TOMM7: variants seen among roughly 807,000 people sequenced by gnomAD.
TOMM7 encodes translocase of outer mitochondrial membrane 7.
A neutral mutation model predicts 9.5 loss-of-function variants in TOMM7; 8 were observed. The observed-to-expected ratio is 0.84, with a 90% CI of 0.49 to 1.51. The LOEUF (loss-of-function observed/expected upper bound fraction) is 1.51, where lower values mean the gene tolerates loss of function less well. Ranked by LOEUF, TOMM7 falls within the 40% of genes most tolerant of loss-of-function variation. TOMM7 has a pLI of 0.00. For synonymous variants in TOMM7, 27 were observed against 21.4 expected (o/e 1.26, Z -0.72); for missense variants, 74 against 63.7 (o/e 1.16, Z -0.55).
At chr7:22,822,417 G>A (rs947893074) in intron 1 of TOMM7, 8 of 855,416 alleles carry the variant, frequency 9.4e-6, no homozygotes, top group East Asian at 2.7e-5. Context: ...CTACAATCCC[G>A]AGAAATATGA....
chr7:22,818,664 T>G (rs1001487029), intron 1 of TOMM7, among the ~76,000 whole-genome samples: 4 of 152,242 alleles, frequency 2.6e-5, no homozygotes, highest in African/African-American at 4.8e-5. Flanking sequence ...GCCCTTAGCA[T>G]GTTCTATCTT....
At chr7:22,819,021 C>T (rs1385634000) in intron 1 of TOMM7, among the ~76,000 whole-genome samples, 20 of 90,900 alleles carry the variant, frequency 2.2e-4, no homozygotes, top group East Asian at 6.4e-4. Flanking sequence ...GGGTGGAGGG[C>T]GGGGGGGTTG....
intron 2 of TOMM7, among the ~76,000 whole-genome samples, chr7:22,814,390 G>A (rs567228060): frequency 2.0e-5 from 3 of 148,406 alleles, no homozygotes; most frequent in South Asian, 4.3e-4. Context: ...GTGGTGACGC[G>A]TGCCTGTGGT....
At chr7:22,813,797 C>T (rs1782280450) in intron 2 of TOMM7, among the ~76,000 whole-genome samples, 1 of 149,020 alleles carries the variant, frequency 6.7e-6, no homozygotes, top group Admixed American at 6.8e-5. Flanking sequence ...AAATCATTTG[C>T]TGACTCCAAT....
In TOMM7 at chr7:22,820,411, C is replaced by T. The variant is rs534843895; in HGVS notation, c.103+2266G>A. Among the ~76,000 whole-genome samples the T allele has an allele frequency of 3.7e-4, 56 of 152,216 alleles. 1 individual carries two copies. The highest frequency in any genetic ancestry group is 1.2e-3 in the African/African-American group (50 of 41,528). Reference sequence around the variant, plus strand: ...GCATTATCCACTCTTACACGAAGCCCCTGGCATGCAGATTGCAGCAACCAG... The same window carrying T: ...GCATTATCCACTCTTACACGAAGCCTCTGGCATGCAGATTGCAGCAACCAG... On this transcript the variant is annotated intron_variant, in intron 1 of 2. Transcript: ENST00000358435.
chr7:22,817,494 T>C, intron 2 of TOMM7: 1 of 240,606 alleles, frequency 4.2e-6, no homozygotes, highest in Non-Finnish European at 8.9e-6. Flanking sequence ...CCTCCCATGA[T>C]CTTCCCACCT....
intron 1 of TOMM7, among the ~76,000 whole-genome samples, chr7:22,820,777 C>A (rs901557200): frequency 7.2e-5 from 11 of 152,162 alleles, no homozygotes; most frequent in African/African-American, 2.6e-4. Flanking sequence ...GGTACCCATA[C>A]AAAGTCACTA....
In TOMM7 at chr7:22,813,070, A is replaced by G; in HGVS notation, c.*100T>C. On this transcript the variant is annotated 3_prime_UTR_variant, in exon 3 of 3. Coordinates refer to ENST00000358435, the MANE Select transcript of TOMM7 (RefSeq NM_019059.5). ...TCTGTGAAGAGCCTTGTGCCATCCA[A>G]CTAGTGACTGAATGATGTCCCATCT... 2.4e-6 allele frequency: 3 copies of G among 1,243,320 alleles called. No individual in the cohort carries two copies. Among genetic ancestry groups the G allele is most frequent in the Non-Finnish European group, 3.6e-6 (3 of 843,484 alleles). 77.0% of individuals were successfully genotyped at this position (1,243,320 alleles called of 1,614,324 possible). A position where few individuals can be genotyped will look rare whatever the true frequency, so the allele number is the denominator to read the frequency against.
chr7:22,814,433 C>T (rs988899442), intron 2 of TOMM7, among the ~76,000 whole-genome samples: 15 of 151,638 alleles, frequency 9.9e-5, no homozygotes, highest in African/African-American at 3.4e-4. Flanking sequence ...GTGGGAGGAC[C>T]ACCTGAGCTC....
At position 22,822,786 on chromosome 7, in the gene TOMM7, G is replaced by T. The variant is rs779018097; in HGVS notation, c.-7C>A. ...CTTTGCTCAGCTTCACCATGGCGACGGCCGTGTGGCGCAGGGAGGACCCCT... is the reference window on the plus strand; with the variant it reads ...CTTTGCTCAGCTTCACCATGGCGACTGCCGTGTGGCGCAGGGAGGACCCCT... On this transcript the variant is annotated 5_prime_UTR_variant, in exon 1 of 3. Coordinates refer to ENST00000358435, the MANE Select transcript of TOMM7 (RefSeq NM_019059.5). 1 of 1,612,888 alleles carries T rather than the reference G, an allele frequency of 6.2e-7. No individual in the cohort carries two copies. The highest frequency in any genetic ancestry group is 8.5e-7 in the Non-Finnish European group (1 of 1,178,908).
rs756687946 is a variant in TOMM7 at position 22,822,751 on chromosome 7, T to C, written c.29A>G (p.Gln10Arg). 7.4e-6 allele frequency: 12 copies of C among 1,614,118 alleles called. No individual in the cohort carries two copies. Among genetic ancestry groups the C allele is most frequent in the Non-Finnish European group, 9.3e-6 (11 of 1,180,036 alleles). The change falls in exon 1 of 3, where the codon CAG becomes CGG. Residue 10 changes from glutamine (Q) to arginine (R), a missense_variant. Gln to Arg is a conservative substitution (Grantham distance 43). Transcript: ENST00000358435. Reference protein sequence around the residue: MVKLSKEAKQRLQQLFKGSQ... With the variant: MVKLSKEAKRRLQQLFKGSQ... ...CCCCTTGAAGAGCTGCTGTAGTCTC[T>C]GCTTGGCCTCTTTGCTCAGCTTCAC... is the stretch of plus-strand genomic sequence containing the variant.
chr7:22,822,634 C>T, intron 1 of TOMM7, 43 bp downstream of exon 1: 3 of 1,555,378 alleles, frequency 1.9e-6, no homozygotes, highest in Non-Finnish European at 2.7e-6. Context: ...GTCTCCGCCA[C>T]CCTCTTCCCT....
At chr7:22,814,371 TAGCC>T (rs1782290409) in intron 2 of TOMM7, among the ~76,000 whole-genome samples, 1 of 131,992 alleles carries the variant, frequency 7.6e-6, no homozygotes, top group Non-Finnish European at 1.6e-5. Flanking sequence ...AAAAAAAAAT[TAGCC>T]AGGTGTGGTG....
Position 22,815,837 on chromosome 7 carries a change from G to C in TOMM7, c.152+2163C>G, listed in dbSNP as rs796982254. On this transcript the variant is annotated intron_variant, in intron 2 of 2. Transcript: ENST00000358435. ...TCTATAAAAATTAAAAAAAAAAAAA[G>C]AAACTATGGAAACACAAAAAACAGA... is the stretch of plus-strand genomic sequence containing the variant. Among the ~76,000 whole-genome samples, 5 of 151,630 alleles carry C rather than the reference G, an allele frequency of 3.3e-5. No individual in the cohort carries two copies. The South Asian group carries it at 1.0e-3, about 31-fold the overall frequency.
intron 2 of TOMM7, among the ~76,000 whole-genome samples, chr7:22,814,099 C>G (rs62448355): frequency 0.028 from 4,201 of 149,542 alleles, 83 homozygotes; most frequent in Non-Finnish European, 0.042. Context: ...ACTTTGGAGG[C>G]TGAGGTGGGT....
At position 22,817,991 on chromosome 7, in the gene TOMM7, G is replaced by A; in HGVS notation, c.152+9C>T. 1 of 1,613,362 alleles carries A rather than the reference G, an allele frequency of 6.2e-7. No homozygotes were observed. Among genetic ancestry groups the A allele is most frequent in the Non-Finnish European group, 8.5e-7 (1 of 1,179,456 alleles). On this transcript the variant is annotated intron_variant, in intron 2 of 2. Coordinates refer to ENST00000358435, the MANE Select transcript of TOMM7 (RefSeq NM_019059.5). ...TTTGTCCTGAAATGTTTAGTTTTAA[G>A]AGCAGTACCTCAAAACAGTTGGTTC...
At chr7:22,814,583 C>G (rs773634758) in intron 2 of TOMM7, among the ~76,000 whole-genome samples, 1 of 152,126 alleles carries the variant, frequency 6.6e-6, no homozygotes, top group Non-Finnish European at 1.5e-5. Flanking sequence ...GGAAATCTTG[C>G]TCAGCCTTAT....
At chr7:22,814,076 C>T (rs1287325075) in intron 2 of TOMM7, among the ~76,000 whole-genome samples, 1 of 150,446 alleles carries the variant, frequency 6.6e-6, no homozygotes, top group East Asian at 2.0e-4. Context: ...TAGTTCATGC[C>T]TGTAATCCCA....
rs941532582 is a variant in TOMM7, at chr7:22,818,022, T to C, written c.130A>G (p.Met44Val). 1.2e-6 allele frequency: 2 copies of C among 1,613,836 alleles called. No homozygotes were observed. The highest frequency in any genetic ancestry group is 1.7e-6 in the Non-Finnish European group (2 of 1,179,990). ...TACCTCAAAACAGTTGGTTCAGGCA[T>C]TCCGGGATCTGCACCCCTCTTAAAT... The part of the protein sequence containing the change: ...LGFKRGADPG[M>V]PEPTVLSLLW... Residue 44 changes from methionine (M) to valine (V), a missense_variant, in exon 2 of 3, where the codon ATG becomes GTG. Met to Val is a conservative substitution (Grantham distance 21). Coordinates refer to ENST00000358435, the MANE Select transcript of TOMM7 (RefSeq NM_019059.5).
Sources: gnomAD v4.1 joint callset for allele counts (sites outside exome capture counted in the v4.1 genomes callset) on GRCh38, gnomAD v4.1.1 for gene constraint, MANE v1.5 for transcripts, NCBI Gene and HGNC (gene_info 2026-07-23, HGNC 2026-07-21) for gene names.